MYRIP: variants seen among roughly 807,000 people sequenced by gnomAD.
MYRIP encodes rab effector MyRIP.
In MYRIP, 49 loss-of-function variants were observed where a neutral mutation model predicts 98.0. The observed-to-expected ratio is 0.50, with a 90% CI of 0.40 to 0.63. The LOEUF is 0.63. Ranked by LOEUF, MYRIP falls within the 30% of genes least tolerant of loss-of-function variation. The probability of loss-of-function intolerance (pLI) is 0.00; values close to 1 mark genes in which losing one functional copy is unlikely to be tolerated. For missense variants in MYRIP, 1,004 were observed against 1,058.2 expected (o/e 0.95, Z 0.71); for synonymous variants, 404 against 409.5 (o/e 0.99, Z 0.16).
intron 3 of MYRIP, among the ~76,000 whole-genome samples, chr3:40,090,013 GTC>G (rs1013449133): frequency 6.6e-6 from 1 of 151,476 alleles, no homozygotes; most frequent in Non-Finnish European, 1.5e-5. Context: ...CCTTGGGAAA[GTC>G]TCTCTTATGA....
intron 3 of MYRIP, among the ~76,000 whole-genome samples, chr3:40,093,008 C>A (rs959322816): frequency 2.0e-5 from 3 of 152,130 alleles, no homozygotes; most frequent in Non-Finnish European, 4.4e-5. Context: ...GAAGCCTAGG[C>A]CTGGTACCTC....
intron 2 of MYRIP, among the ~76,000 whole-genome samples, chr3:39,983,845 A>G (rs1040748971): frequency 6.6e-6 from 1 of 152,226 alleles, no homozygotes; most frequent in South Asian, 2.1e-4. Context: ...ACCACATGAT[A>G]AATTTAATCT....
chr3:39,864,223 C>G (rs1441022442), intron 1 of MYRIP, among the ~76,000 whole-genome samples: 1 of 152,046 alleles, frequency 6.6e-6, no homozygotes, highest in Non-Finnish European at 1.5e-5. Context: ...GGAAGCATTC[C>G]CCTTTGAAAA....
intron 1 of MYRIP, among the ~76,000 whole-genome samples, chr3:39,875,900 G>A (rs1343902452): frequency 2.6e-5 from 4 of 151,800 alleles, no homozygotes; most frequent in East Asian, 1.9e-4. Flanking sequence ...TATCCTTGTT[G>A]ACTTTCTGTC....
At position 40,019,723 on chromosome 3, in the gene MYRIP, C is replaced by A. The variant is rs72871417; in HGVS notation, c.111-24327C>A. ...AAGGGAAACAATTCAATCCCCCCCC[C>A]GCTTTTTTTTGTTAGACAACACATA... is the stretch of plus-strand genomic sequence containing the variant. On this transcript the variant is annotated intron_variant, in intron 2 of 16. Coordinates refer to ENST00000302541, the MANE Select transcript of MYRIP (RefSeq NM_015460.4). 2.6e-5 allele frequency among the ~76,000 whole-genome samples: 4 copies of A among 151,088 alleles called. No individual in the cohort carries two copies. In the East Asian group the frequency reaches 5.9e-4, roughly 22 times the overall value.
intron 3 of MYRIP, among the ~76,000 whole-genome samples, chr3:40,090,620 C>T (rs1470968947): frequency 6.6e-6 from 1 of 152,206 alleles, no homozygotes; most frequent in African/African-American, 2.4e-5. Context: ...CTCAGATGAA[C>T]AGCTTCATTC....
chr3:40,078,098 G>A (rs1212019124), intron 3 of MYRIP, among the ~76,000 whole-genome samples: 1 of 152,262 alleles, frequency 6.6e-6, no homozygotes, highest in African/African-American at 2.4e-5. Flanking sequence ...GGCCCGATGA[G>A]AAATCTAGCG....
intron 2 of MYRIP, among the ~76,000 whole-genome samples, chr3:39,988,223 A>G (rs562889310): frequency 6.6e-6 from 1 of 152,084 alleles, no homozygotes; most frequent in Non-Finnish European, 1.5e-5. Context: ...TGACGAGTTA[A>G]TGGGTGCAGC....
In MYRIP at chr3:40,258,151, A is replaced by C; in HGVS notation, c.2565A>C (p.Ser855=). ...CACCTCAGGAGCCTGCTCTGGAGTC[A>C]GCTGTGATGTACTGACACCATGGAA... ...TKDLMEPALE[S]AVMY is the part of the protein sequence containing the mutation. Residue 855 remains serine (S), a synonymous_variant, in exon 17 of 17, where the codon TCA becomes TCC. Coordinates refer to ENST00000302541, the MANE Select transcript of MYRIP (RefSeq NM_015460.4). The C allele has an allele frequency of 6.2e-7, 1 of 1,613,894 alleles. No individual in the cohort carries two copies. Among genetic ancestry groups the C allele is most frequent in the South Asian group, 1.1e-5 (1 of 91,086 alleles).
intron 2 of MYRIP, among the ~76,000 whole-genome samples, chr3:39,994,726 G>T (rs1332505878): frequency 2.0e-5 from 3 of 152,358 alleles, no homozygotes; most frequent in South Asian, 2.1e-4. Context: ...ATCTGAGAAT[G>T]GACAGACTGC....
intron 11 of MYRIP, among the ~76,000 whole-genome samples, chr3:40,210,319 C>T (rs1951892029): frequency 6.6e-6 from 1 of 152,192 alleles, no homozygotes; most frequent in Non-Finnish European, 1.5e-5. Flanking sequence ...TTACCTTCCA[C>T]TATCTTTCAT....
intron 2 of MYRIP, among the ~76,000 whole-genome samples, chr3:40,019,226 G>C (rs760593588): frequency 2.6e-5 from 4 of 152,084 alleles, no homozygotes; most frequent in Non-Finnish European, 5.9e-5. Flanking sequence ...TGGTGTGCAA[G>C]GCCCCTTAGG....
At chr3:39,953,661 G>A (rs145479122) in intron 2 of MYRIP, among the ~76,000 whole-genome samples, 3 of 152,148 alleles carry the variant, frequency 2.0e-5, no homozygotes, top group Admixed American at 6.5e-5. Flanking sequence ...GAGGTACTGG[G>A]TTGATCTCAC....
At chr3:39,977,657 G>C (rs1945790459) in intron 2 of MYRIP, among the ~76,000 whole-genome samples, 1 of 152,150 alleles carries the variant, frequency 6.6e-6, no homozygotes, top group Non-Finnish European at 1.5e-5. Flanking sequence ...TAAAACTTGA[G>C]AGGGTAGAAC....
chr3:40,199,477 G>A (rs1161194134), intron 10 of MYRIP, among the ~76,000 whole-genome samples: 1 of 152,128 alleles, frequency 6.6e-6, no homozygotes, highest in Non-Finnish European at 1.5e-5. Context: ...CATTCGAGGG[G>A]ATGCTCTCTG....
At chr3:39,874,081 A>G (rs1942897724) in intron 1 of MYRIP, among the ~76,000 whole-genome samples, 1 of 151,144 alleles carries the variant, frequency 6.6e-6, no homozygotes, top group East Asian at 1.9e-4. Flanking sequence ...ATTCCTAGGT[A>G]TTTTATTCTC....
At chr3:39,951,789 C>G (rs1275367933) in intron 2 of MYRIP, among the ~76,000 whole-genome samples, 1 of 152,094 alleles carries the variant, frequency 6.6e-6, no homozygotes, top group Non-Finnish European at 1.5e-5. Flanking sequence ...GACAAAAGTT[C>G]TCTACTTTGA....
At chr3:40,176,369 A>G (rs1473343031) in intron 8 of MYRIP, among the ~76,000 whole-genome samples, 1 of 152,256 alleles carries the variant, frequency 6.6e-6, no homozygotes, top group Non-Finnish European at 1.5e-5. Context: ...CAGATGTAGA[A>G]CATTTCCATC....
chr3:39,866,478 A>T (rs7648247), intron 1 of MYRIP, among the ~76,000 whole-genome samples: 95,814 of 151,252 alleles, frequency 0.63, 31,391 homozygotes, highest in African/African-American at 0.81. Context: ...ATAATAAAAA[A>T]TTTTTTTTTG....
Sources: allele counts gnomAD v4.1 joint callset (sites outside exome capture counted in the v4.1 genomes callset), GRCh38; gene constraint gnomAD v4.1.1; transcripts MANE v1.5; gene names NCBI Gene and HGNC (gene_info 2026-07-23, HGNC 2026-07-21).